PRKCE: variants seen among roughly 807,000 people sequenced by gnomAD.
PRKCE encodes protein kinase C epsilon.
In PRKCE, 16 loss-of-function variants were observed where a neutral mutation model predicts 85.4. The observed-to-expected ratio is 0.19, with a 90% confidence interval of 0.13 to 0.28. PRKCE has a LOEUF of 0.28. Ranked by LOEUF, PRKCE falls within the 10% of genes least tolerant of loss-of-function variation. The pLI, the probability that PRKCE is intolerant of heterozygous loss-of-function variation, is 1.00. For synonymous variants in PRKCE, 388 were observed against 371.5 expected, an observed-to-expected ratio of 1.04 and a Z score of -0.51; for missense variants, 573 against 975.2, an observed-to-expected ratio of 0.59 and a Z score of 5.49.
chr2:45,771,734 TGTGA>T (rs1194844051), intron 1 of PRKCE, among the ~76,000 whole-genome samples: 2 of 136,576 alleles, frequency 1.5e-5, no homozygotes, highest in African/African-American at 5.1e-5. Context: ...TGTGTGTGTG[TGTGA>T]GTGTGTGTTG....
chr2:45,810,090 G>T (rs1257044339), intron 1 of PRKCE, among the ~76,000 whole-genome samples: 1 of 151,842 alleles, frequency 6.6e-6, no homozygotes, highest in Admixed American at 6.6e-5. Flanking sequence ...CCCCAGGCTG[G>T]AGTGCAATGG....
chr2:45,939,034 AG>A (rs1316199698), intron 2 of PRKCE, among the ~76,000 whole-genome samples: 3 of 152,166 alleles, frequency 2.0e-5, no homozygotes, highest in African/African-American at 7.2e-5. Flanking sequence ...CTGCTGTCCC[AG>A]TGAAATCCAG....
At chr2:45,772,555 G>A (rs1685424828) in intron 1 of PRKCE, among the ~76,000 whole-genome samples, 1 of 152,174 alleles carries the variant, frequency 6.6e-6, no homozygotes, top group Non-Finnish European at 1.5e-5. Context: ...TGGGTACTCT[G>A]CCTGATCCTA....
At chr2:46,083,017 A>T (rs1041695369) in intron 10 of PRKCE, among the ~76,000 whole-genome samples, 3 of 152,060 alleles carry the variant, frequency 2.0e-5, no homozygotes, top group African/African-American at 7.2e-5. Context: ...GCGCAATCTC[A>T]GCTCACTGCA....
At chr2:45,657,952 G>A (rs1302281811) in intron 1 of PRKCE, among the ~76,000 whole-genome samples, 1 of 152,234 alleles carries the variant, frequency 6.6e-6, no homozygotes, top group East Asian at 1.9e-4. Context: ...CAGGACCCCT[G>A]CTGCATCTCC....
At chr2:45,755,730 T>C (rs947399652) in intron 1 of PRKCE, among the ~76,000 whole-genome samples, 4 of 152,224 alleles carry the variant, frequency 2.6e-5, no homozygotes, top group Non-Finnish European at 4.4e-5. Flanking sequence ...GTATATATTA[T>C]TGTATGTATT....
intron 2 of PRKCE, among the ~76,000 whole-genome samples, chr2:45,892,224 G>GAGAGAGGTGACA (rs1480128311): frequency 5.3e-5 from 8 of 152,208 alleles, no homozygotes; most frequent in Non-Finnish European, 1.2e-4. Flanking sequence ...AGAGGTGACA[G>GAGAGAGGTGACA]CTTTTTTGAG....
intron 1 of PRKCE, chr2:45,676,764 G>A (rs1347840488): frequency 1.3e-5 from 2 of 152,256 alleles, no homozygotes; most frequent in Non-Finnish European, 2.9e-5. Flanking sequence ...GGGGAAGGAA[G>A]GAGGTATCAA....
chr2:45,724,495 C>G (rs1023180866), intron 1 of PRKCE, among the ~76,000 whole-genome samples: 7 of 152,180 alleles, frequency 4.6e-5, no homozygotes, highest in Non-Finnish European at 8.8e-5. Flanking sequence ...TCTCAGAGCT[C>G]TCACTTGAAA....
At chr2:46,134,924 G>A (rs1159617035) in intron 11 of PRKCE, among the ~76,000 whole-genome samples, 1 of 152,242 alleles carries the variant, frequency 6.6e-6, no homozygotes, top group African/African-American at 2.4e-5. Context: ...TTAAGGATAA[G>A]AATGTACTTT....
chr2:45,879,183 A>T (rs1234415153), intron 2 of PRKCE, among the ~76,000 whole-genome samples: 3 of 152,236 alleles, frequency 2.0e-5, no homozygotes. Context: ...AAAGAGAAGA[A>T]GCAGCTGAAT....
At chr2:45,918,053 C>T (rs904461799) in intron 2 of PRKCE, among the ~76,000 whole-genome samples, 3 of 152,246 alleles carry the variant, frequency 2.0e-5, no homozygotes, top group African/African-American at 4.8e-5. Flanking sequence ...GCTGGCGCCT[C>T]TCCCTCCACA....
At chr2:45,744,465 CTTTCTTTCTT>C (rs1558623472) in intron 1 of PRKCE, among the ~76,000 whole-genome samples, 5 of 54,010 alleles carry the variant, frequency 9.3e-5, no homozygotes, top group Admixed American at 1.8e-4. Flanking sequence ...TTCTTTCTTT[CTTTCTTTCTT>C]TCTTTCTTTC....
At chr2:45,847,231 C>G (rs1344920644) in intron 2 of PRKCE, among the ~76,000 whole-genome samples, 1 of 152,230 alleles carries the variant, frequency 6.6e-6, no homozygotes, top group African/African-American at 2.4e-5. Flanking sequence ...TTCCGTGGCC[C>G]TTAATGCTAG....
chr2:46,032,694 G>A (rs1192252379), intron 10 of PRKCE, among the ~76,000 whole-genome samples: 7 of 152,216 alleles, frequency 4.6e-5, no homozygotes, highest in African/African-American at 1.7e-4. Flanking sequence ...AGTGATTTAT[G>A]TAACTCTAGA....
chr2:45,729,018 C>T (rs557137051), intron 1 of PRKCE, among the ~76,000 whole-genome samples: 36 of 152,236 alleles, frequency 2.4e-4, no homozygotes, highest in Admixed American at 5.9e-4. Flanking sequence ...CACTTCCCAT[C>T]GTCTTTCTTT....
intron 2 of PRKCE, among the ~76,000 whole-genome samples, chr2:45,859,953 TTCTTTCTATCG>T (rs1414219450): frequency 4.6e-5 from 7 of 152,220 alleles, no homozygotes; most frequent in Non-Finnish European, 7.3e-5. Flanking sequence ...AAGTCTAGTT[TTCTTTCTATCG>T]TCCTACTGCC....
chr2:45,820,674 G>A (rs986088642), intron 1 of PRKCE, among the ~76,000 whole-genome samples: 1 of 152,266 alleles, frequency 6.6e-6, no homozygotes, highest in East Asian at 1.9e-4. Flanking sequence ...CTTGTTTCCC[G>A]ACACAAATGC....
chr2:45,924,234 T>G (rs990119132), intron 2 of PRKCE, among the ~76,000 whole-genome samples: 4 of 152,210 alleles, frequency 2.6e-5, no homozygotes, highest in Non-Finnish European at 5.9e-5. Context: ...GAGTAATTTG[T>G]TTTTTGATCT....
Sources: allele counts gnomAD v4.1 joint callset (sites outside exome capture counted in the v4.1 genomes callset), GRCh38; gene constraint gnomAD v4.1.1; transcripts MANE v1.5; gene names NCBI Gene and HGNC (gene_info 2026-07-23, HGNC 2026-07-21).